The following MACROD2 variants were observed in gnomAD, a reference collection of about 807,000 sequenced individuals.
The protein encoded by MACROD2 is mono-ADP ribosylhydrolase 2.
Under a neutral mutation model 70.4 loss-of-function variants are expected in MACROD2, and 36 were observed. That is an observed-to-expected ratio of 0.51 (90% CI 0.39 to 0.68). MACROD2 has a LOEUF of 0.68. MACROD2 is among the 30% of genes least tolerant of loss of function. The pLI is 0.00. For missense variants in MACROD2, 496 were observed against 538.4 expected (o/e 0.92, Z 0.78); for synonymous variants, 172 against 178.8 (o/e 0.96, Z 0.30).
chr20:15,443,751 G>A (rs2146379395), intron 7 of MACROD2, among the ~76,000 whole-genome samples: 1 of 152,190 alleles, frequency 6.6e-6, no homozygotes, highest in South Asian at 2.1e-4. Flanking sequence ...TCTGTTTCAT[G>A]GCTAAAAAAT....
chr20:14,871,377 G>A (rs384692), intron 5 of MACROD2, among the ~76,000 whole-genome samples: 37,960 of 151,944 alleles, frequency 0.25, 5,483 homozygotes, highest in Non-Finnish European at 0.33. Flanking sequence ...TAACGTTCTT[G>A]AATAAAAGAA....
At chr20:15,732,429 A>G (rs2050957747) in intron 8 of MACROD2, among the ~76,000 whole-genome samples, 1 of 152,214 alleles carries the variant, frequency 6.6e-6, no homozygotes, top group South Asian at 2.1e-4. Flanking sequence ...TTGCACAAGA[A>G]TCAATATTCT....
At chr20:15,458,909 A>T (rs1291792000) in intron 7 of MACROD2, among the ~76,000 whole-genome samples, 1 of 152,088 alleles carries the variant, frequency 6.6e-6, no homozygotes, top group Non-Finnish European at 1.5e-5. Context: ...CTGTGTGAGC[A>T]GTGGAGAGTC....
intron 5 of MACROD2, among the ~76,000 whole-genome samples, chr20:14,733,400 C>A (rs995663268): frequency 6.6e-6 from 1 of 152,092 alleles, no homozygotes; most frequent in South Asian, 2.1e-4. Flanking sequence ...CCTTTTCCTG[C>A]ATAGGTTTTT....
intron 3 of MACROD2, among the ~76,000 whole-genome samples, chr20:14,282,762 A>C (rs1387194679): frequency 6.6e-6 from 1 of 152,152 alleles, no homozygotes; most frequent in Non-Finnish European, 1.5e-5. Flanking sequence ...TGGAGCAAGC[A>C]AGAGAGAGAA....
At position 14,526,261 on chromosome 20, in the gene MACROD2, C is replaced by CT. The variant is rs539372021; in HGVS notation, c.301+32761dup. On this transcript the variant is annotated intron_variant, in intron 4 of 17. Transcript: ENST00000684519. The stretch of plus-strand genomic sequence containing the variant: ...TCCTAGTTTCCTTTCTTGTCATATT[C>CT]TTTTTTTTATTTTTCAATTAAAATA... Among the ~76,000 whole-genome samples the CT allele has an allele frequency of 2.6e-5, 4 of 151,834 alleles. No individual in the cohort carries two copies. The South Asian group carries it at 6.2e-4, about 24-fold the overall frequency.
intron 5 of MACROD2, among the ~76,000 whole-genome samples, chr20:14,970,724 C>T (rs1236268879): frequency 2.0e-5 from 3 of 152,096 alleles, no homozygotes; most frequent in Admixed American, 1.3e-4. Flanking sequence ...AGTCATGGCT[C>T]ACTGCATCCT....
chr20:15,640,397 T>G (rs534254291), intron 8 of MACROD2, among the ~76,000 whole-genome samples: 1 of 152,000 alleles, frequency 6.6e-6, no homozygotes, highest in South Asian at 2.1e-4. Context: ...TGACAAGAGT[T>G]GGGAAGAGGC....
chr20:15,953,965 T>A (rs1333660599), intron 12 of MACROD2, among the ~76,000 whole-genome samples: 1 of 152,116 alleles, frequency 6.6e-6, no homozygotes, highest in Non-Finnish European at 1.5e-5. Context: ...GAAAACTAAT[T>A]ATATTTTTGA....
At chr20:15,602,353 T>TTCTG (rs1334776387) in intron 8 of MACROD2, among the ~76,000 whole-genome samples, 3 of 152,188 alleles carry the variant, frequency 2.0e-5, no homozygotes, top group Non-Finnish European at 2.9e-5. Context: ...TCAAGTTGAG[T>TTCTG]TCTGTCTCCT....
intron 5 of MACROD2, among the ~76,000 whole-genome samples, chr20:14,844,610 C>G (rs772128007): frequency 4.6e-5 from 7 of 152,080 alleles, no homozygotes; most frequent in Non-Finnish European, 8.8e-5. Flanking sequence ...AATACTCCTT[C>G]TTGTTTTCTT....
intron 4 of MACROD2, among the ~76,000 whole-genome samples, chr20:14,605,587 C>A (rs1326623475): frequency 3.9e-5 from 6 of 152,070 alleles, no homozygotes; most frequent in Non-Finnish European, 5.9e-5. Flanking sequence ...TTTTCTAACC[C>A]TAACTGTCAC....
chr20:15,098,510 G>A (rs1430604897), intron 5 of MACROD2, among the ~76,000 whole-genome samples: 2 of 152,196 alleles, frequency 1.3e-5, no homozygotes, highest in Non-Finnish European at 2.9e-5. Flanking sequence ...TCAGGCACAC[G>A]TAATGCCTTT....
chr20:14,931,810 C>A (rs2074297945), intron 5 of MACROD2, among the ~76,000 whole-genome samples: 1 of 146,704 alleles, frequency 6.8e-6, no homozygotes, highest in Admixed American at 7.0e-5. Context: ...CTAGTCTGGG[C>A]AACATAACAA....
chr20:15,977,985 A>G (rs2066334209), intron 13 of MACROD2, among the ~76,000 whole-genome samples: 1 of 152,242 alleles, frequency 6.6e-6, no homozygotes, highest in Non-Finnish European at 1.5e-5. Context: ...ATTACGTGTG[A>G]AGTATCTAGG....
intron 5 of MACROD2, among the ~76,000 whole-genome samples, chr20:14,781,088 T>C (rs1020965926): frequency 1.3e-5 from 2 of 151,892 alleles, no homozygotes; most frequent in African/African-American, 4.8e-5. Context: ...TTTTGAAATA[T>C]ACAATACATT....
At chr20:15,756,657 A>G (rs990864011) in intron 8 of MACROD2, among the ~76,000 whole-genome samples, 2 of 152,122 alleles carry the variant, frequency 1.3e-5, no homozygotes, top group Non-Finnish European at 1.5e-5. Flanking sequence ...AATAACCAAC[A>G]ACACCTGCTC....
intron 6 of MACROD2, among the ~76,000 whole-genome samples, chr20:15,275,624 T>C (rs2077384408): frequency 6.6e-6 from 1 of 152,214 alleles, no homozygotes; most frequent in African/African-American, 2.4e-5. Context: ...AAGACTGTAA[T>C]TTCTAGGTGG....
At chr20:15,668,428 C>T (rs12481438) in intron 8 of MACROD2, among the ~76,000 whole-genome samples, 6,008 of 151,756 alleles carry the variant, frequency 0.04, 244 homozygotes, top group East Asian at 0.2. Context: ...ATTAGCCAGG[C>T]GTGATGGCAC....
Sources: gnomAD v4.1 joint callset for allele counts (sites outside exome capture counted in the v4.1 genomes callset) on GRCh38, gnomAD v4.1.1 for gene constraint, MANE v1.5 for transcripts, NCBI Gene and HGNC (gene_info 2026-07-23, HGNC 2026-07-21) for gene names.